Variants in RDH12 observed in about 807,000 individuals in gnomAD.
RDH12 encodes the protein all-trans and 9-cis retinol dehydrogenase.
Under a neutral mutation model 34.0 loss-of-function variants are expected in RDH12, and 21 were observed. The ratio of observed to expected loss-of-function variants is 0.62; its 90% CI spans 0.44 to 0.89. The LOEUF (loss-of-function observed/expected upper bound fraction) is 0.89. RDH12 is among the 40% of genes least tolerant of loss of function. RDH12 has a pLI of 0.00. For synonymous variants in RDH12, 198 were observed against 169.9 expected, an observed-to-expected ratio of 1.17 and a Z score of -1.29; for missense variants, 394 against 398.6, an observed-to-expected ratio of 0.99 and a Z score of 0.10.
rs977925188 is a variant in RDH12 at position 67,734,156 on chromosome 14, A to T, written c.*308A>T. The stretch of plus-strand genomic sequence containing the variant: ...TGGGGGTGGCAGAAGAGCCCGAGAA[A>T]TTGGGTCAGTTCCCTCATCAGCACC... On this transcript the variant is annotated 3_prime_UTR_variant, in exon 9 of 9. Transcript: ENST00000551171. 5.1e-5 allele frequency: 17 copies of T among 331,442 alleles called. No homozygotes were observed. The highest frequency in any genetic ancestry group is 3.4e-4 in the African/African-American group (16 of 46,750). The allele number at this position is 331,442 out of a possible 1,614,324, so 20.5% of individuals were successfully genotyped here.
rs541498880 is a variant in RDH12 at position 67,702,350 on chromosome 14, A to G, written c.-275+415A>G. Among the ~76,000 whole-genome samples the G allele has an allele frequency of 1.6e-3, 250 of 152,296 alleles. 13 individuals are homozygous for G. In the South Asian group the frequency reaches 0.051, roughly 31 times the overall value. On this transcript the variant is annotated intron_variant, in intron 1 of 8. Transcript: ENST00000551171. ...AGATATTTACCTAAGCAAGAAATTT[A>G]AAGTTAAATACATGGGTATTTTGTT...
In RDH12 at chr14:67,725,085, T is replaced by C. The variant is rs200249239; in HGVS notation, c.188-14T>C. The C allele has an allele frequency of 1.2e-6, 2 of 1,614,198 alleles. No individual in the cohort carries two copies. The highest frequency in any genetic ancestry group is 4.5e-5 in the East Asian group (2 of 44,890). ...GGATATGAACATACTGCTCTTTTTT[T>C]GTCTTGGACCCAGGAGCCCGAGTCT... is the stretch of plus-strand genomic sequence containing the variant. On this transcript the variant is annotated splice_polypyrimidine_tract_variant and intron_variant, in intron 4 of 8. Transcript: ENST00000551171.
At chr14:67,713,563 G>C (rs1453686440) in intron 1 of RDH12, among the ~76,000 whole-genome samples, 1 of 152,110 alleles carries the variant, frequency 6.6e-6, no homozygotes, top group Admixed American at 6.5e-5. Context: ...CTGGTACCAG[G>C]CACTGATAGG....
Position 67,726,108 on chromosome 14 carries a change from C to T in RDH12, c.401C>T (p.Ser134Phe). Reference sequence around the variant, plus strand: ...GCGGGAGTAATGATGTGTCCATATTCCAAGACAGCTGATGGCTTTGAAACC... The same window carrying T: ...GCGGGAGTAATGATGTGTCCATATTTCAAGACAGCTGATGGCTTTGAAACC... Reference protein sequence around the residue: ...NNAGVMMCPYSKTADGFETHL... With the variant: ...NNAGVMMCPYFKTADGFETHL... The change falls in exon 6 of 9, where the codon TCC becomes TTC. Residue 134 changes from serine to phenylalanine, a missense_variant. Physicochemically the swap from Ser to Phe is radical, Grantham distance 155. Transcript: ENST00000551171. 6.2e-7 allele frequency: 1 copy of T among 1,614,022 alleles called. No individual in the cohort carries two copies. Among genetic ancestry groups the T allele is most frequent in the Non-Finnish European group, 8.5e-7 (1 of 1,179,930 alleles).
intron 5 of RDH12, 119 bp downstream of exon 5, chr14:67,725,373 G>A: frequency 1.9e-6 from 2 of 1,049,806 alleles, no homozygotes; most frequent in Non-Finnish European, 2.9e-6. Context: ...GACAGGTTCT[G>A]CCACATGAAC....
rs7143100 is a variant in RDH12, at chr14:67,714,722, G to A, written c.-274-6126G>A. The A allele has an allele frequency of 6.6e-3, 1,001 of 152,342 alleles. 4 individuals carry two copies. The highest frequency in any genetic ancestry group is 0.011 in the Admixed American group (171 of 15,304). The allele number at this position is 152,342 out of a possible 1,614,324, so 9.4% of individuals were successfully genotyped here. On this transcript the variant is annotated intron_variant, in intron 1 of 8. Transcript: ENST00000551171. Reference sequence around the variant, plus strand: ...CCCACACATGTTATCATGGTATTAGGGACTGAAATGGGATATAAGTTGAAA... The same window carrying A: ...CCCACACATGTTATCATGGTATTAGAGACTGAAATGGGATATAAGTTGAAA...
At chr14:67,727,487 T>G (rs1199613194) in intron 7 of RDH12, 6 of 329,260 alleles carry the variant, frequency 1.8e-5, no homozygotes, top group African/African-American at 4.4e-5. Context: ...TTTTTTTTGT[T>G]TTTTTTTTTT....
chr14:67,715,966 CG>C (rs534591798), intron 1 of RDH12, among the ~76,000 whole-genome samples: 12 of 152,174 alleles, frequency 7.9e-5, no homozygotes, highest in African/African-American at 2.6e-4. Context: ...GAGGCCGAGG[CG>C]GGCGGATCAC....
chr14:67,716,881 CAA>C lies in RDH12; in HGVS notation c.-274-3952_-274-3951del, dbSNP rs35419842. Among the ~76,000 whole-genome samples, 1,220 of 85,234 alleles carry C rather than the reference CAA, an allele frequency of 0.014. 34 individuals are homozygous for C. The East Asian group carries it at 0.16, about 11-fold the overall frequency. The allele number at this position is 85,234 out of a possible 152,430, so 55.9% of individuals were successfully genotyped here. A position where few individuals can be genotyped will look rare whatever the true frequency, so the allele number is the denominator to read the frequency against. ...CCTGAGTGACAGAGTGAGTCTCTGT[CAA>C]AAAAAAAAAAAAAAGAATTTTAAAA... On this transcript the variant is annotated intron_variant, in intron 1 of 8. Coordinates refer to ENST00000551171, the MANE Select transcript of RDH12 (RefSeq NM_152443.3).
In RDH12 at chr14:67,727,190, G is replaced by C; in HGVS notation, c.658G>C (p.Gly220Arg). 2 of 1,610,624 alleles carry C rather than the reference G, an allele frequency of 1.2e-6. No individual in the cohort carries two copies. The highest frequency in any genetic ancestry group is 1.7e-6 in the Non-Finnish European group (2 of 1,178,562). ...FTRELAKRLQGTGVTTYAVHP... is the reference protein window; with the variant it reads ...FTRELAKRLQRTGVTTYAVHP... ...TCGTGAGCTGGCCAAGAGGCTCCAA[G>C]GTAAGTCTGGAGAAAGAGGAATAGC... The change falls in exon 7 of 9, where the codon GGC (glycine) becomes CGC (arginine). Residue 220 changes from glycine to arginine, a missense_variant and splice_region_variant. Gly to Arg is a moderately radical substitution (Grantham distance 125). Coordinates refer to ENST00000551171, the MANE Select transcript of RDH12 (RefSeq NM_152443.3).
rs77159821 is a variant in RDH12 at position 67,724,292 on chromosome 14, C to T, written c.69-181C>T. Among the ~76,000 whole-genome samples the T allele has an allele frequency of 0.09, 13,648 of 152,070 alleles. 641 individuals are homozygous for T. Among genetic ancestry groups the T allele is most frequent in the Middle Eastern group, 0.2 (60 of 294 alleles). On this transcript the variant is annotated intron_variant, in intron 3 of 8. Coordinates refer to ENST00000551171, the MANE Select transcript of RDH12 (RefSeq NM_152443.3). Reference sequence around the variant, plus strand: ...CTTCCCACCTGCACCGATAAACAGGCGACTACCTTGCCCCATGGAAAAATG... The same window carrying T: ...CTTCCCACCTGCACCGATAAACAGGTGACTACCTTGCCCCATGGAAAAATG...
intron 3 of RDH12, among the ~76,000 whole-genome samples, chr14:67,723,723 A>T (rs577362261): frequency 6.6e-6 from 1 of 152,352 alleles, no homozygotes; most frequent in South Asian, 2.1e-4. Context: ...ATTAAAATAA[A>T]TTACATATGG....
chr14:67,726,253 A>G (rs2038184543), intron 6 of RDH12, 98 bp downstream of exon 6: 4 of 807,742 alleles, frequency 5.0e-6, no homozygotes, highest in African/African-American at 1.7e-5. Context: ...AGGGGCCTTC[A>G]TAGAGCCTAG....
intron 8 of RDH12, among the ~76,000 whole-genome samples, chr14:67,732,253 A>G (rs1034294624): frequency 1.3e-5 from 2 of 151,884 alleles, no homozygotes; most frequent in Non-Finnish European, 2.9e-5. Flanking sequence ...CCTGGACAAC[A>G]AAGTGAGACC....
chr14:67,730,971 A>G (rs1198861779), intron 8 of RDH12, among the ~76,000 whole-genome samples: 2 of 152,148 alleles, frequency 1.3e-5, no homozygotes, highest in Admixed American at 1.3e-4. Flanking sequence ...ATCTCATTTT[A>G]TATTTTTAAA....
At chr14:67,732,411 T>C (rs1436646783) in intron 8 of RDH12, among the ~76,000 whole-genome samples, 2 of 135,450 alleles carry the variant, frequency 1.5e-5, no homozygotes, top group African/African-American at 5.7e-5. Context: ...GCCTGGGTGA[T>C]GAAGTGAGAC....
chr14:67,729,447 G>C, intron 8 of RDH12, 67 bp downstream of exon 8: 2 of 1,497,450 alleles, frequency 1.3e-6, no homozygotes, highest in African/African-American at 1.4e-5. Context: ...TCGCTGGGCT[G>C]TTCATCCTGA....
At chr14:67,730,373 A>G (rs956893508) in intron 8 of RDH12, among the ~76,000 whole-genome samples, 1 of 152,218 alleles carries the variant, frequency 6.6e-6, no homozygotes, top group Non-Finnish European at 1.5e-5. Context: ...GTAAGTGTAC[A>G]GTGCATACCA....
At chr14:67,732,126 C>CAA (rs71129854) in intron 8 of RDH12, among the ~76,000 whole-genome samples, 66 of 77,188 alleles carry the variant, frequency 8.6e-4, no homozygotes, top group East Asian at 1.2e-3. Flanking sequence ...GACTCTGTCT[C>CAA]AAAAAAAAAA....
Sources: allele counts gnomAD v4.1 joint callset (sites outside exome capture counted in the v4.1 genomes callset), GRCh38; gene constraint gnomAD v4.1.1; transcripts MANE v1.5; gene names NCBI Gene and HGNC (gene_info 2026-07-23, HGNC 2026-07-21).